The following ADAM12 variants were observed in gnomAD, a reference collection of about 807,000 sequenced individuals.
ADAM12 encodes the protein ADAM metallopeptidase domain 12, also known as disintegrin and metalloproteinase domain-containing protein 12.
A neutral mutation model predicts 106.4 loss-of-function variants in ADAM12; 70 were observed. The ratio of observed to expected loss-of-function variants is 0.66; its 90% confidence interval spans 0.54 to 0.80. ADAM12 has a LOEUF of 0.80. ADAM12 is among the 30% of genes least tolerant of loss of function. The pLI, the probability that ADAM12 is intolerant of heterozygous loss-of-function variation, is 0.00. For synonymous variants in ADAM12, 420 were observed against 433.5 expected (o/e 0.97, Z 0.39); for missense variants, 1,010 against 1,171.9 (o/e 0.86, Z 2.02).
At chr10:126,206,462 A>G (rs1957796257) in intron 3 of ADAM12, among the ~76,000 whole-genome samples, 1 of 152,216 alleles carries the variant, frequency 6.6e-6, no homozygotes, top group Admixed American at 6.5e-5. Context: ...GCACTCAAGC[A>G]GGGAATTAAG....
At chr10:126,345,847 T>G (rs1440425578) in intron 1 of ADAM12, among the ~76,000 whole-genome samples, 1 of 152,212 alleles carries the variant, frequency 6.6e-6, no homozygotes, top group Non-Finnish European at 1.5e-5. Context: ...GTAGTTTGTA[T>G]TTCTGTAGGA....
chr10:126,045,155 CCA>C (rs1954282069), intron 17 of ADAM12, among the ~76,000 whole-genome samples: 3 of 152,310 alleles, frequency 2.0e-5, no homozygotes, highest in Middle Eastern at 6.8e-3. Context: ...CACACCATCC[CCA>C]CAGCTCAGGG....
At chr10:126,257,928 A>C (rs1443213768) in intron 3 of ADAM12, among the ~76,000 whole-genome samples, 1 of 152,212 alleles carries the variant, frequency 6.6e-6, no homozygotes, top group Non-Finnish European at 1.5e-5. Flanking sequence ...CCATGCCTGG[A>C]AATAACTAGT....
At chr10:126,347,570 C>A (rs183094175) in intron 1 of ADAM12, among the ~76,000 whole-genome samples, 124 of 152,224 alleles carry the variant, frequency 8.1e-4, no homozygotes, top group Non-Finnish European at 1.4e-3. Flanking sequence ...TGTTGGCCTG[C>A]CTTGTCAATA....
At chr10:126,209,002 C>T (rs1279286135) in intron 3 of ADAM12, among the ~76,000 whole-genome samples, 2 of 152,110 alleles carry the variant, frequency 1.3e-5, no homozygotes, top group Non-Finnish European at 2.9e-5. Context: ...CATCTCTTTT[C>T]AGAATTAATG....
At chr10:126,035,844 T>TATTAC (rs1954050144) in intron 21 of ADAM12, among the ~76,000 whole-genome samples, 1 of 152,198 alleles carries the variant, frequency 6.6e-6, no homozygotes, top group Admixed American at 6.5e-5. Context: ...CAGGCCTAAT[T>TATTAC]ATTACTAGTC....
intron 5 of ADAM12, among the ~76,000 whole-genome samples, chr10:126,131,101 CTTCTTTTTTTTTTTT>C (rs1413767429): frequency 9.9e-5 from 9 of 90,572 alleles, no homozygotes; most frequent in Non-Finnish European, 1.6e-4. Context: ...TCTCAGCTGT[CTTCTTTTTTTTTTTT>C]TTTTTTTTTT....
In ADAM12 at chr10:126,094,564, C is replaced by G. The variant is rs552057536; in HGVS notation, c.997-431G>C. Reference sequence around the variant, plus strand: ...TGAGATGATGCTGATATAAAGGTGACAGGTGCAAGCACGCTTAATGACATT... The same window carrying G: ...TGAGATGATGCTGATATAAAGGTGAGAGGTGCAAGCACGCTTAATGACATT... On this transcript the variant is annotated intron_variant, in intron 10 of 22. Coordinates refer to ENST00000448723, the MANE Select transcript of ADAM12 (RefSeq NM_001288973.2). Among the ~76,000 whole-genome samples, 42 of 152,290 alleles carry G rather than the reference C, an allele frequency of 2.8e-4. No individual in the cohort carries two copies. The South Asian group carries it at 3.1e-3, about 11-fold the overall frequency.
chr10:126,038,883 G>GA (rs974862515), intron 19 of ADAM12, among the ~76,000 whole-genome samples: 14 of 145,736 alleles, frequency 9.6e-5, no homozygotes, highest in Middle Eastern at 3.5e-3. Flanking sequence ...TTATGATCCA[G>GA]AAAATCTGAC....
chr10:126,107,782 A>AAG (rs1955801262), intron 8 of ADAM12, among the ~76,000 whole-genome samples: 1 of 152,124 alleles, frequency 6.6e-6, no homozygotes, highest in Non-Finnish European at 1.5e-5. Flanking sequence ...CTGCCCCTTG[A>AAG]GGGCAGCAAT....
At chr10:126,373,011 A>G (rs1233625855) in intron 1 of ADAM12, among the ~76,000 whole-genome samples, 1 of 152,230 alleles carries the variant, frequency 6.6e-6, no homozygotes, top group Non-Finnish European at 1.5e-5. Context: ...TAAATCTGAC[A>G]TGTCCAAATT....
At chr10:126,039,717 C>T (rs140498846) in intron 18 of ADAM12, among the ~76,000 whole-genome samples, 6 of 152,300 alleles carry the variant, frequency 3.9e-5, no homozygotes, top group East Asian at 1.9e-4. Context: ...GGCGTGACAA[C>T]GGCACAGTGG....
In ADAM12 at chr10:126,046,089, AC is replaced by A. The variant is rs1954310347; in HGVS notation, c.1960del (p.Val654PhefsTer53). Reference protein sequence around the residue: ...RQCQNISVFGVHECAMQCHGR... With the variant: ...RQCQNISVFGXHECAMQCHGR... ...GTGGCACTGCATTGCACACTCGTGA[AC>A]CCCAAAGACACTAATATTTTGACAT... On this transcript the variant is annotated frameshift_variant, in exon 17 of 23. Coordinates refer to ENST00000448723, the MANE Select transcript of ADAM12 (RefSeq NM_001288973.2). LOFTEE classifies it high-confidence loss of function. The A allele has an allele frequency of 6.2e-7, 1 of 1,614,108 alleles. No homozygotes were observed. The highest frequency in any genetic ancestry group is 1.3e-5 in the African/African-American group (1 of 74,932).
intron 3 of ADAM12, among the ~76,000 whole-genome samples, chr10:126,204,173 AC>A (rs1957754222): frequency 2.6e-5 from 4 of 152,056 alleles, no homozygotes; most frequent in Non-Finnish European, 4.4e-5. Context: ...AAATCTCCCC[AC>A]CCCTGGCAGC....
rs368456635 is a variant in ADAM12 at position 126,198,554 on chromosome 10, CT to C, written c.261-43250del. ...GTGTAGCCTTTAGCTCGTGTGAATC[CT>C]GCAGCTTCTGTTTCTGGGCCTGAAG... On this transcript the variant is annotated intron_variant, in intron 3 of 22. Coordinates refer to ENST00000448723, the MANE Select transcript of ADAM12 (RefSeq NM_001288973.2). Among the ~76,000 whole-genome samples the C allele has an allele frequency of 1.6e-4, 25 of 152,288 alleles. 1 individual carries two copies. Among genetic ancestry groups the C allele is most frequent in the African/African-American group, 6.0e-4 (25 of 41,554 alleles).
chr10:126,137,716 T>C (rs930381640), intron 4 of ADAM12, among the ~76,000 whole-genome samples: 5 of 152,248 alleles, frequency 3.3e-5, no homozygotes, highest in East Asian at 1.9e-4. Context: ...TGCATTAGAA[T>C]GTCATTCCTT....
chr10:126,125,249 C>CTTTTTTT (rs35917087), intron 5 of ADAM12, among the ~76,000 whole-genome samples: 3 of 134,246 alleles, frequency 2.2e-5, no homozygotes, highest in African/African-American at 5.5e-5. Flanking sequence ...CTTTTCTTTT[C>CTTTTTTT]TTTTTTTTTT....
chr10:126,363,453 C>G (rs1380509952), intron 1 of ADAM12, among the ~76,000 whole-genome samples: 2 of 152,142 alleles, frequency 1.3e-5, no homozygotes, highest in African/African-American at 4.8e-5. Context: ...AATACTTTAC[C>G]ATCCCTCTAT....
At chr10:126,155,449 C>G (rs1956798073) in intron 3 of ADAM12, 144 bp from the exon 4 acceptor site, 4 of 685,060 alleles carry the variant, frequency 5.8e-6, no homozygotes, top group African/African-American at 3.7e-5. Flanking sequence ...CCCATTAGGG[C>G]CTTCCCAGTT....
Sources: allele counts gnomAD v4.1 joint callset (sites outside exome capture counted in the v4.1 genomes callset), GRCh38; gene constraint gnomAD v4.1.1; transcripts MANE v1.5; gene names NCBI Gene and HGNC (gene_info 2026-07-23, HGNC 2026-07-21).